The following SEPTIN9 variants were observed in gnomAD, a reference collection of about 807,000 sequenced individuals.
SEPTIN9 encodes septin-9.
Under a neutral mutation model 56.6 loss-of-function variants are expected in SEPTIN9, and 13 were observed. The observed-to-expected ratio is 0.23, with a 90% confidence interval of 0.15 to 0.37. The LOEUF is 0.37. SEPTIN9 is among the 10% of genes least tolerant of loss of function. The probability of loss-of-function intolerance (pLI) is 1.00; values close to 1 mark genes in which losing one functional copy is unlikely to be tolerated. For synonymous variants in SEPTIN9, 332 were observed against 334.1 expected (o/e 0.99, Z 0.07); for missense variants, 650 against 823.1 (o/e 0.79, Z 2.57).
chr17:77,462,910 G>A (rs984758130), intron 3 of SEPTIN9, among the ~76,000 whole-genome samples: 23 of 152,306 alleles, frequency 1.5e-4, no homozygotes, highest in Admixed American at 6.5e-5. Flanking sequence ...CCAAAGTGCT[G>A]GGATTGTAGG....
chr17:77,348,346 T>A (rs914689518), intron 2 of SEPTIN9, among the ~76,000 whole-genome samples: 2 of 141,092 alleles, frequency 1.4e-5, no homozygotes, highest in Non-Finnish European at 3.0e-5. Flanking sequence ...TTGCCCAGGC[T>A]GGAGTGCAAT....
At chr17:77,401,830 G>A (rs988846023) in intron 2 of SEPTIN9, among the ~76,000 whole-genome samples, 2 of 152,060 alleles carry the variant, frequency 1.3e-5, no homozygotes, top group Non-Finnish European at 2.9e-5. Flanking sequence ...GGCAAGACAC[G>A]ACGGGCAGCA....
chr17:77,347,858 C>G (rs2033935776), intron 2 of SEPTIN9, among the ~76,000 whole-genome samples: 1 of 152,056 alleles, frequency 6.6e-6, no homozygotes, highest in South Asian at 2.1e-4. Flanking sequence ...TGATTTTGCT[C>G]AACTGTAGGC....
chr17:77,472,575 C>G (rs2143062372), intron 3 of SEPTIN9: 1 of 152,324 alleles, frequency 6.6e-6, no homozygotes, highest in Non-Finnish European at 1.5e-5. Context: ...TGTAAAGCTG[C>G]AGTTTTGTTT....
At chr17:77,470,341 TCCATCCACTCATCTAC>T (rs1568096657) in intron 3 of SEPTIN9, among the ~76,000 whole-genome samples, 3 of 136,862 alleles carry the variant, frequency 2.2e-5, no homozygotes, top group Admixed American at 1.4e-4. Flanking sequence ...CTCTCATCTA[TCCATCCACTCATCTAC>T]CCATCCACTT....
chr17:77,409,498 G>C (rs993779292), intron 3 of SEPTIN9, among the ~76,000 whole-genome samples: 1 of 152,084 alleles, frequency 6.6e-6, no homozygotes, highest in Non-Finnish European at 1.5e-5. Context: ...TAAATAGAGC[G>C]CAGCTGCGGG....
chr17:77,426,165 ACTC>A (rs2036902128), intron 3 of SEPTIN9, among the ~76,000 whole-genome samples: 1 of 150,898 alleles, frequency 6.6e-6, no homozygotes, highest in Non-Finnish European at 1.5e-5. Flanking sequence ...GAAGTTGAGC[ACTC>A]CTCCCGAATC....
At chr17:77,460,351 T>G (rs1040208257) in intron 3 of SEPTIN9, among the ~76,000 whole-genome samples, 1 of 152,096 alleles carries the variant, frequency 6.6e-6, no homozygotes, top group African/African-American at 2.4e-5. Context: ...GGCTGGCTCC[T>G]CACAGCTCAC....
chr17:77,401,527 C>T (rs985854445), intron 2 of SEPTIN9, among the ~76,000 whole-genome samples: 8 of 152,102 alleles, frequency 5.3e-5, no homozygotes, highest in African/African-American at 1.9e-4. Context: ...GGGTGGATCG[C>T]TTGAGGTCAG....
chr17:77,480,405 C>T (rs540685948), intron 3 of SEPTIN9, among the ~76,000 whole-genome samples: 31 of 152,306 alleles, frequency 2.0e-4, no homozygotes, highest in Non-Finnish European at 2.8e-4. Flanking sequence ...TGGCTTGAAT[C>T]GGCTGGGGAT....
At chr17:77,373,529 A>T in intron 2 of SEPTIN9, 1 of 1,544,924 alleles carries the variant, frequency 6.5e-7, no homozygotes, top group Non-Finnish European at 8.7e-7. Flanking sequence ...GCGCAGCTGG[A>T]TGGGATCATT....
intron 2 of SEPTIN9, among the ~76,000 whole-genome samples, chr17:77,316,514 C>T (rs1370169709): frequency 6.6e-6 from 1 of 152,192 alleles, no homozygotes; most frequent in Non-Finnish European, 1.5e-5. Flanking sequence ...CCATAGTGTG[C>T]ACAGCGTGCA....
intron 1 of SEPTIN9, among the ~76,000 whole-genome samples, chr17:77,284,482 C>T (rs892798806): frequency 2.6e-5 from 4 of 152,206 alleles, no homozygotes; most frequent in African/African-American, 7.2e-5. Flanking sequence ...GCAGTGTGGT[C>T]CAGTGGTTAC....
intron 2 of SEPTIN9, chr17:77,373,403 G>T: frequency 7.9e-7 from 1 of 1,259,560 alleles, no homozygotes; most frequent in African/African-American, 1.6e-5. Flanking sequence ...GCAGGAGCGC[G>T]GGCGCGGCGC....
In SEPTIN9 at chr17:77,437,990, G is replaced by A. The variant is rs1411153722; in HGVS notation, c.721+35287G>A. ...GCGGCATCATCCGGGCCTCTCCGGTGGCCATGCATGGGTGAGCAGCCCACG... is the reference window on the plus strand; with the variant it reads ...GCGGCATCATCCGGGCCTCTCCGGTAGCCATGCATGGGTGAGCAGCCCACG... On this transcript the variant is annotated intron_variant, in intron 3 of 11. Coordinates refer to ENST00000427177, the MANE Select transcript of SEPTIN9 (RefSeq NM_001113491.2). The surrounding 1 kb of genome is among the most constrained non-coding windows in gnomAD (Gnocchi z 5.3). 6.6e-6 allele frequency among the ~76,000 whole-genome samples: 1 copy of A among 152,230 alleles called. No individual in the cohort carries two copies. The highest frequency in any genetic ancestry group is 1.5e-5 in the Non-Finnish European group (1 of 68,036).
At chr17:77,426,310 T>C (rs2144249828) in intron 3 of SEPTIN9, among the ~76,000 whole-genome samples, 1 of 152,122 alleles carries the variant, frequency 6.6e-6, no homozygotes, top group Middle Eastern at 3.4e-3. Context: ...CCAGGAGTGC[T>C]GCCTGTGATG....
intron 2 of SEPTIN9, among the ~76,000 whole-genome samples, chr17:77,331,202 A>AAAT (rs916003338): frequency 3.3e-5 from 5 of 152,136 alleles, no homozygotes; most frequent in East Asian, 1.9e-4. Context: ...AAAAAATAAA[A>AAAT]AATAATAATA....
In SEPTIN9 at chr17:77,429,985, G is replaced by A. The variant is rs1568062943; in HGVS notation, c.721+27282G>A. Among the ~76,000 whole-genome samples, 2 of 152,306 alleles carry A rather than the reference G, an allele frequency of 1.3e-5. No individual in the cohort carries two copies. The highest frequency in any genetic ancestry group is 4.1e-4 in the South Asian group (2 of 4,830). On this transcript the variant is annotated intron_variant, in intron 3 of 11. Transcript: ENST00000427177. This position sits in a 1 kb window ranked among gnomAD's most constrained non-coding sequence, Gnocchi z 5.2. ...GTAGGACAGCAGACCCTGGGGGTTG[G>A]CTCTGATGGTATTCACCATGGGGTA...
chr17:77,333,233 T>G (rs922217983), intron 2 of SEPTIN9, among the ~76,000 whole-genome samples: 1 of 152,254 alleles, frequency 6.6e-6, no homozygotes, highest in Non-Finnish European at 1.5e-5. Context: ...TGAGCACATT[T>G]TCATGATTGG....
Sources: gnomAD v4.1 joint callset for allele counts (sites outside exome capture counted in the v4.1 genomes callset) on GRCh38, gnomAD v4.1.1 for gene constraint, Gnocchi (gnomAD v3.1) non-coding constraint, MANE v1.5 for transcripts, NCBI Gene and HGNC (gene_info 2026-07-23, HGNC 2026-07-21) for gene names.